The following TWIST2 variants were observed in gnomAD, a reference collection of about 807,000 sequenced individuals.
TWIST2 encodes twist-related protein 2.
TWIST2 carries 1 observed loss-of-function variant against 11.6 expected under a neutral mutation model. That is an observed-to-expected ratio of 0.09 (90% confidence interval 0.03 to 0.41). TWIST2 has a LOEUF of 0.41. Ranked by LOEUF, TWIST2 falls within the 10% of genes least tolerant of loss-of-function variation. TWIST2 has a pLI of 0.98. For missense variants in TWIST2, 168 were observed against 226.4 expected, an observed-to-expected ratio of 0.74 and a Z score of 1.66; for synonymous variants, 87 against 96.6, an observed-to-expected ratio of 0.90 and a Z score of 0.58.
intron 1 of TWIST2, among the ~76,000 whole-genome samples, chr2:238,879,977 G>A (rs142964403): frequency 6.6e-6 from 1 of 152,234 alleles, no homozygotes; most frequent in Non-Finnish European, 1.5e-5. Context: ...TATGGAGAGT[G>A]CTTGCCCTGC....
intron 1 of TWIST2, among the ~76,000 whole-genome samples, chr2:238,902,707 GGTGTGTGTGAT>G (rs1388571890): frequency 3.6e-5 from 5 of 138,442 alleles, no homozygotes; most frequent in Non-Finnish European, 6.2e-5. Context: ...TGATGTGTGA[GGTGTGTGTGAT>G]GTGTGTGTGA....
intron 1 of TWIST2, among the ~76,000 whole-genome samples, chr2:238,874,425 C>A (rs1406717017): frequency 1.3e-5 from 2 of 152,076 alleles, no homozygotes; most frequent in African/African-American, 4.8e-5. Flanking sequence ...TCTTCTTTTG[C>A]AAAAGAATAG....
chr2:238,874,701 T>G (rs971122234), intron 1 of TWIST2, among the ~76,000 whole-genome samples: 2 of 152,208 alleles, frequency 1.3e-5, no homozygotes. Flanking sequence ...GCTTGTTTCT[T>G]GGAGAATCTA....
intron 1 of TWIST2, among the ~76,000 whole-genome samples, chr2:238,852,227 A>T (rs1446972759): frequency 1.3e-5 from 2 of 152,200 alleles, no homozygotes; most frequent in African/African-American, 4.8e-5. Context: ...CTGGGCTTTA[A>T]AAAAAACAAA....
chr2:238,861,760 G>A (rs1318853534), intron 1 of TWIST2, among the ~76,000 whole-genome samples: 1 of 152,190 alleles, frequency 6.6e-6, no homozygotes, highest in Non-Finnish European at 1.5e-5. Context: ...ATTACAGACA[G>A]TCAACCACAG....
intron 1 of TWIST2, among the ~76,000 whole-genome samples, chr2:238,857,536 G>A (rs36178247): frequency 0.42 from 63,810 of 151,736 alleles, 14,122 homozygotes; most frequent in Middle Eastern, 0.56. Context: ...GTTTGCAGAG[G>A]AAGCAGGACC....
chr2:238,868,847 G>C (rs973807598), intron 1 of TWIST2, among the ~76,000 whole-genome samples: 1 of 152,234 alleles, frequency 6.6e-6, no homozygotes, highest in Non-Finnish European at 1.5e-5. Flanking sequence ...GTGCCGGCCG[G>C]TGCAGGGGCT....
intron 1 of TWIST2, among the ~76,000 whole-genome samples, chr2:238,893,641 G>A (rs1279964232): frequency 2.6e-5 from 4 of 152,198 alleles, no homozygotes; most frequent in Non-Finnish European, 5.9e-5. Flanking sequence ...GAACACGGGC[G>A]CACCGATTGC....
intron 1 of TWIST2, among the ~76,000 whole-genome samples, chr2:238,862,536 A>C (rs1692453483): frequency 6.6e-6 from 1 of 152,242 alleles, no homozygotes; most frequent in African/African-American, 2.4e-5. Context: ...ATTGGAAAAA[A>C]TACATAATTA....
chr2:238,856,297 A>G (rs1692327784), intron 1 of TWIST2, among the ~76,000 whole-genome samples: 1 of 152,102 alleles, frequency 6.6e-6, no homozygotes, highest in African/African-American at 2.4e-5. Context: ...CTTTCAGACT[A>G]TTTTTTTCTG....
chr2:238,850,804 T>G (rs1428503218), intron 1 of TWIST2, among the ~76,000 whole-genome samples: 3 of 152,352 alleles, frequency 2.0e-5, no homozygotes, highest in Non-Finnish European at 4.4e-5. Flanking sequence ...ATTTTTATTT[T>G]TACATACTGG....
chr2:238,906,962 C>T (rs936828939), intron 1 of TWIST2, among the ~76,000 whole-genome samples: 2 of 152,248 alleles, frequency 1.3e-5, no homozygotes, highest in African/African-American at 2.4e-5. Flanking sequence ...GGTCAACTGG[C>T]TGTTCTCATG....
intron 1 of TWIST2, among the ~76,000 whole-genome samples, chr2:238,873,696 A>G (rs36165532): frequency 0.3 from 45,994 of 152,108 alleles, 7,545 homozygotes; most frequent in Non-Finnish European, 0.37. Flanking sequence ...ACAGAAGCAA[A>G]GTTGGGCTGA....
rs978004912 is a variant in TWIST2 at position 238,900,325 on chromosome 2, G to A, written c.*36-9517G>A. Among the ~76,000 whole-genome samples the A allele has an allele frequency of 2.6e-5, 4 of 152,164 alleles. No individual in the cohort carries two copies. The East Asian group carries it at 5.8e-4, about 22-fold the overall frequency. ...GGGCAGACAGAAGCTTGGGGTGACT[G>A]GGGACCCACAGATGTGCCCGGTGTG... On this transcript the variant is annotated intron_variant, in intron 1 of 1. Coordinates refer to ENST00000612363, the MANE Select transcript of TWIST2 (RefSeq NM_001271893.4).
At chr2:238,901,194 C>T (rs1693265013) in intron 1 of TWIST2, among the ~76,000 whole-genome samples, 1 of 152,056 alleles carries the variant, frequency 6.6e-6, no homozygotes, top group African/African-American at 2.4e-5. Context: ...CCAGGCTGGT[C>T]TCAAACTCCT....
intron 1 of TWIST2, among the ~76,000 whole-genome samples, chr2:238,895,542 T>G (rs2106371049): frequency 1.3e-5 from 2 of 152,284 alleles, no homozygotes; most frequent in South Asian, 4.1e-4. Context: ...AGGGCCCAGG[T>G]ACTGGGAGCG....
Position 238,848,686 on chromosome 2 carries a change from C to T in TWIST2, c.471C>T (p.Ser157=). ...VWRMEGAWSM[S]ASH is the part of the protein sequence containing the mutation. ...GCATGGAGGGCGCGTGGTCCATGTC[C>T]GCCTCCCACTAGCGCCGCGCCACCC... The change falls in exon 1 of 2, where the codon TCC becomes TCT. Residue 157 remains serine, a synonymous_variant. Transcript: ENST00000612363. The T allele has an allele frequency of 1.3e-6, 2 of 1,522,470 alleles. No homozygotes were observed. The highest frequency in any genetic ancestry group is 1.8e-6 in the Non-Finnish European group (2 of 1,137,680). 94.3% of individuals were successfully genotyped at this position (1,522,470 alleles called of 1,614,324 possible).
At chr2:238,902,709 T>A (rs1391267252) in intron 1 of TWIST2, among the ~76,000 whole-genome samples, 1 of 118,276 alleles carries the variant, frequency 8.5e-6, no homozygotes, top group Admixed American at 8.7e-5. Context: ...ATGTGTGAGG[T>A]GTGTGTGATG....
chr2:238,860,859 A>G (rs1692419784), intron 1 of TWIST2, among the ~76,000 whole-genome samples: 1 of 152,012 alleles, frequency 6.6e-6, no homozygotes, highest in African/African-American at 2.4e-5. Context: ...AATCGCTTGA[A>G]CCTGGGAGGT....
Sources: gnomAD v4.1 joint callset for allele counts (sites outside exome capture counted in the v4.1 genomes callset) on GRCh38, gnomAD v4.1.1 for gene constraint, MANE v1.5 for transcripts, NCBI Gene and HGNC (gene_info 2026-07-23, HGNC 2026-07-21) for gene names.